The following ATRNL1 variants were observed in gnomAD, a reference collection of about 807,000 sequenced individuals.
ATRNL1 encodes the protein attractin-like protein 1.
In ATRNL1, 95 loss-of-function variants were observed where a neutral mutation model predicts 182.7. The observed-to-expected ratio is 0.52, with a 90% CI of 0.44 to 0.62. The LOEUF (loss-of-function observed/expected upper bound fraction) is 0.62. Among genes scored for constraint, ATRNL1 ranks in the 20% least tolerant of loss-of-function variants. The probability of loss-of-function intolerance (pLI) is 0.00; values close to 1 mark genes in which losing one functional copy is unlikely to be tolerated. For missense variants in ATRNL1, 1,471 were observed against 1,679.5 expected, an observed-to-expected ratio of 0.88 and a Z score of 2.17; for synonymous variants, 576 against 568.3, an observed-to-expected ratio of 1.01 and a Z score of -0.19.
At chr10:115,690,855 G>C (rs1180726992) in intron 26 of ATRNL1, among the ~76,000 whole-genome samples, 2 of 152,128 alleles carry the variant, frequency 1.3e-5, no homozygotes, top group Non-Finnish European at 1.5e-5. Flanking sequence ...CTATGCTAGC[G>C]TCAGGGTTTC....
intron 28 of ATRNL1, among the ~76,000 whole-genome samples, chr10:115,897,922 G>C (rs1385424574): frequency 2.0e-5 from 3 of 151,210 alleles, no homozygotes; most frequent in African/African-American, 7.4e-5. Context: ...TTCTCGTATA[G>C]GTCATCCTTA....
At chr10:115,272,285 TA>T (rs1364231424) in intron 13 of ATRNL1, among the ~76,000 whole-genome samples, 3 of 152,128 alleles carry the variant, frequency 2.0e-5, no homozygotes, top group African/African-American at 7.2e-5. Context: ...AAAGACGCCA[TA>T]AGGGATCTCT....
At chr10:115,303,580 A>T (rs1382256553) in intron 17 of ATRNL1, among the ~76,000 whole-genome samples, 1 of 152,176 alleles carries the variant, frequency 6.6e-6, no homozygotes, top group Non-Finnish European at 1.5e-5. Flanking sequence ...AATATCAGTT[A>T]TTTGGTAAAG....
rs144104548 is a variant in ATRNL1, at chr10:115,361,911, T to C, written c.3175+27492T>C. Among the ~76,000 whole-genome samples, 830 of 152,230 alleles carry C rather than the reference T, an allele frequency of 5.5e-3. 9 individuals carry two copies. The highest frequency in any genetic ancestry group is 0.019 in the African/African-American group (798 of 41,554). On this transcript the variant is annotated intron_variant, in intron 19 of 28. Transcript: ENST00000355044. ...GTACTGGAGCACTGCTTTGAAAACATTCAGTAAGTACTGGATCAAAGAATG... is the reference window on the plus strand; with the variant it reads ...GTACTGGAGCACTGCTTTGAAAACACTCAGTAAGTACTGGATCAAAGAATG...
intron 9 of ATRNL1, among the ~76,000 whole-genome samples, chr10:115,218,870 G>T (rs1167780102): frequency 2.0e-5 from 3 of 152,162 alleles, no homozygotes; most frequent in African/African-American, 7.2e-5. Context: ...AGAAATCTCT[G>T]CAGTAGCCCT....
At position 115,241,728 on chromosome 10, in the gene ATRNL1, A is replaced by G; in HGVS notation, c.1687+3A>G. The G allele has an allele frequency of 6.2e-7, 1 of 1,607,278 alleles. No individual in the cohort carries two copies. The highest frequency in any genetic ancestry group is 8.5e-7 in the Non-Finnish European group (1 of 1,175,304). On this transcript the variant is annotated splice_donor_region_variant and intron_variant, in intron 10 of 28. Transcript: ENST00000355044. ...CGATTTCCTGGCATATGACATAGGTATGTATCTGTTAGGATTGTACAAAGT... is the reference window on the plus strand; with the variant it reads ...CGATTTCCTGGCATATGACATAGGTGTGTATCTGTTAGGATTGTACAAAGT...
At chr10:115,395,112 CAT>C (rs79602333) in intron 20 of ATRNL1, among the ~76,000 whole-genome samples, 39,467 of 151,796 alleles carry the variant, frequency 0.26, 5,595 homozygotes, top group Non-Finnish European at 0.33. Flanking sequence ...TAAGCAAAAA[CAT>C]GTGGCATTTG....
At chr10:115,157,038 A>T (rs1846553564) in intron 5 of ATRNL1, among the ~76,000 whole-genome samples, 1 of 152,126 alleles carries the variant, frequency 6.6e-6, no homozygotes, top group East Asian at 1.9e-4. Context: ...TTCTAGTACA[A>T]TAACATAGTA....
At chr10:115,629,839 G>A (rs186371939) in intron 26 of ATRNL1, among the ~76,000 whole-genome samples, 58 of 152,154 alleles carry the variant, frequency 3.8e-4, no homozygotes, top group African/African-American at 1.4e-3. Flanking sequence ...CATCTAAATC[G>A]GATTGAGGAA....
chr10:115,713,795 T>C (rs1357957497), intron 26 of ATRNL1, among the ~76,000 whole-genome samples: 1 of 152,046 alleles, frequency 6.6e-6, no homozygotes, highest in East Asian at 1.9e-4. Flanking sequence ...AGCTGTCTAG[T>C]CATCAGTTGC....
chr10:115,209,494 A>G (rs1848938043), intron 8 of ATRNL1, among the ~76,000 whole-genome samples: 1 of 150,866 alleles, frequency 6.6e-6, no homozygotes, highest in South Asian at 2.1e-4. Flanking sequence ...TCATGGCCTA[A>G]TGAAGAACTC....
At chr10:115,279,339 C>G (rs1268139498) in intron 13 of ATRNL1, among the ~76,000 whole-genome samples, 2 of 151,990 alleles carry the variant, frequency 1.3e-5, no homozygotes, top group Non-Finnish European at 2.9e-5. Flanking sequence ...TTCCATGAAT[C>G]AAATTGGTCA....
At chr10:115,726,835 T>C (rs1418970100) in intron 26 of ATRNL1, among the ~76,000 whole-genome samples, 2 of 149,592 alleles carry the variant, frequency 1.3e-5, no homozygotes, top group African/African-American at 2.4e-5. Flanking sequence ...TTTCATTATC[T>C]TTTCTTAAAT....
At position 115,713,705 on chromosome 10, in the gene ATRNL1, C is replaced by CTATCT. The variant is rs1555055340; in HGVS notation, c.3796-13543_3796-13542insTATCT. Among the ~76,000 whole-genome samples, 232 of 101,300 alleles carry CTATCT rather than the reference C, an allele frequency of 2.3e-3. 1 individual carries two copies. The highest frequency in any genetic ancestry group is 4.8e-3 in the African/African-American group (142 of 29,670). 66.5% of individuals were successfully genotyped at this position (101,300 alleles called of 152,430 possible). A position where few individuals can be genotyped will look rare whatever the true frequency, so the allele number is the denominator to read the frequency against. On this transcript the variant is annotated intron_variant, in intron 26 of 28. Transcript: ENST00000355044. ...TCTATCTATCTATCTATCTATCTAT[C>CTATCT]ATCTATCTATCTATCTATCTATCTA...
At chr10:115,514,775 G>T (rs1350532119) in intron 24 of ATRNL1, among the ~76,000 whole-genome samples, 1 of 151,862 alleles carries the variant, frequency 6.6e-6, no homozygotes, top group Non-Finnish European at 1.5e-5. Flanking sequence ...TGCACAAGGG[G>T]ATTAGTGAAG....
intron 24 of ATRNL1, among the ~76,000 whole-genome samples, chr10:115,513,976 G>T (rs977845044): frequency 1.3e-5 from 2 of 151,832 alleles, no homozygotes; most frequent in Non-Finnish European, 2.9e-5. Context: ...TACTCTGAGT[G>T]TCCCTTGCAT....
At chr10:115,942,042 A>C (rs1239951923) in intron 28 of ATRNL1, among the ~76,000 whole-genome samples, 1 of 152,234 alleles carries the variant, frequency 6.6e-6, no homozygotes, top group Non-Finnish European at 1.5e-5. Flanking sequence ...GTAAATCTGT[A>C]AATTTATCAG....
chr10:115,380,125 T>C (rs1025381355), intron 19 of ATRNL1, among the ~76,000 whole-genome samples: 6 of 152,192 alleles, frequency 3.9e-5, no homozygotes, highest in Non-Finnish European at 7.3e-5. Flanking sequence ...CCGCCGCGCC[T>C]GGCCAACTTT....
intron 9 of ATRNL1, among the ~76,000 whole-genome samples, chr10:115,229,756 A>G (rs1198587225): frequency 6.6e-6 from 1 of 152,148 alleles, no homozygotes; most frequent in African/African-American, 2.4e-5. Context: ...AATTTAAATA[A>G]GTACTTATCT....
Sources: gnomAD v4.1 joint callset for allele counts (sites outside exome capture counted in the v4.1 genomes callset) on GRCh38, gnomAD v4.1.1 for gene constraint, MANE v1.5 for transcripts, NCBI Gene and HGNC (gene_info 2026-07-23, HGNC 2026-07-21) for gene names.